The following METAP2 variants were observed in gnomAD, a reference collection of about 807,000 sequenced individuals.
The protein encoded by METAP2 is methionine aminopeptidase 2.
In METAP2, 25 loss-of-function variants were observed where a neutral mutation model predicts 59.4. That is an observed-to-expected ratio of 0.42 (90% CI 0.31 to 0.59). METAP2 has a LOEUF of 0.59. METAP2 is among the 20% of genes least tolerant of loss of function. The probability of loss-of-function intolerance (pLI) is 0.16; values close to 1 mark genes in which losing one functional copy is unlikely to be tolerated. For synonymous variants in METAP2, 214 were observed against 194.1 expected (o/e 1.10, Z -0.85); for missense variants, 366 against 581.2 (o/e 0.63, Z 3.81).
intron 6 of METAP2, among the ~76,000 whole-genome samples, 167 bp from the exon 7 acceptor site, chr12:95,495,837 T>G (rs1473748894): frequency 6.6e-6 from 1 of 151,986 alleles, no homozygotes; most frequent in Non-Finnish European, 1.5e-5. Context: ...ACTTCTACAT[T>G]TTGTCTCTTT....
chr12:95,504,494 T>G (rs2076342597), intron 8 of METAP2, among the ~76,000 whole-genome samples: 1 of 152,190 alleles, frequency 6.6e-6, no homozygotes, highest in Non-Finnish European at 1.5e-5. Context: ...TGTTGTTGTT[T>G]TTTGTTTTGT....
chr12:95,484,955 G>C (rs1270018880), intron 3 of METAP2: 1 of 442,366 alleles, frequency 2.3e-6, no homozygotes, highest in African/African-American at 2.0e-5. Flanking sequence ...TATCCTGGTA[G>C]ACTTCTTGAA....
intron 1 of METAP2, 91 bp downstream of exon 1, chr12:95,474,421 A>G: frequency 7.1e-7 from 1 of 1,404,062 alleles, no homozygotes; most frequent in Non-Finnish European, 9.7e-7. Context: ...CCGGGGCCCC[A>G]GAGCCCCGAC....
chr12:95,506,859 G>T (rs1179612843), intron 8 of METAP2, among the ~76,000 whole-genome samples: 1 of 150,108 alleles, frequency 6.7e-6, no homozygotes, highest in Non-Finnish European at 1.5e-5. Flanking sequence ...CTGTCACCCA[G>T]GCTGGAGAGC....
intron 7 of METAP2, among the ~76,000 whole-genome samples, chr12:95,498,776 G>A (rs1269393943): frequency 6.6e-6 from 1 of 152,154 alleles, no homozygotes; most frequent in Non-Finnish European, 1.5e-5. Context: ...CCCTTTTGGA[G>A]TCCGAGGTGG....
chr12:95,485,004 G>A (rs2076185233), intron 3 of METAP2: 3 of 397,080 alleles, frequency 7.6e-6, no homozygotes, highest in South Asian at 5.7e-5. Flanking sequence ...ATCATGGGCA[G>A]TTCACTGCCC....
At chr12:95,493,144 C>T in intron 4 of METAP2, among the ~76,000 whole-genome samples, 1 of 151,612 alleles carries the variant, frequency 6.6e-6, no homozygotes, top group Non-Finnish European at 1.5e-5. Flanking sequence ...TAATGTTTTT[C>T]CTACTACAGG....
rs1357819609 is a variant in METAP2, at chr12:95,515,185, C to T, written c.*1281C>T. ...TTTGTATTTTGTTGAACGTTTTTAT[C>T]CTAGGAAGAGAAACCTATGACTTGT... On this transcript the variant is annotated 3_prime_UTR_variant, in exon 11 of 11. Coordinates refer to ENST00000323666, the MANE Select transcript of METAP2 (RefSeq NM_006838.4). 3.3e-5 allele frequency: 5 copies of T among 152,550 alleles called. No homozygotes were observed. The highest frequency in any genetic ancestry group is 2.6e-4 in the Admixed American group (4 of 15,276). The allele number at this position is 152,550 out of a possible 1,614,324, so 9.4% of individuals were successfully genotyped here.
intron 7 of METAP2, among the ~76,000 whole-genome samples, chr12:95,501,208 T>A (rs1244339034): frequency 6.6e-6 from 1 of 152,052 alleles, no homozygotes; most frequent in Non-Finnish European, 1.5e-5. Flanking sequence ...TTAAATTTTT[T>A]GTAGATACAG....
intron 8 of METAP2, among the ~76,000 whole-genome samples, chr12:95,509,276 T>C (rs541484549): frequency 6.6e-6 from 1 of 152,358 alleles, no homozygotes; most frequent in East Asian, 1.9e-4. Context: ...ATAAGCTTGT[T>C]ACTTGTCAAC....
intron 4 of METAP2, 30 bp downstream of exon 4, chr12:95,486,011 AT>A: frequency 1.4e-6 from 2 of 1,421,094 alleles, no homozygotes; most frequent in Non-Finnish European, 2.0e-6. Flanking sequence ...TTCCAGTTTA[AT>A]TTCTGACAGT....
Position 95,485,859 on chromosome 12 carries a change from G to T in METAP2, c.326-20G>T, listed in dbSNP as rs200936264. On this transcript the variant is annotated intron_variant, in intron 3 of 10. Coordinates refer to ENST00000323666, the MANE Select transcript of METAP2 (RefSeq NM_006838.4). ...TTTATTTTTAACTACAGAAGTTAAT[G>T]CTTTATTTGTATCTCACAGCAAAAG... 43 of 1,443,318 alleles carry T rather than the reference G, an allele frequency of 3.0e-5. No homozygotes were observed. Among genetic ancestry groups the T allele is most frequent in the Non-Finnish European group, 2.7e-5 (29 of 1,064,164 alleles). 89.4% of individuals were successfully genotyped at this position (1,443,318 alleles called of 1,614,324 possible).
intron 2 of METAP2, among the ~76,000 whole-genome samples, chr12:95,476,772 G>T (rs959609966): frequency 6.6e-6 from 1 of 152,108 alleles, no homozygotes; most frequent in African/African-American, 2.4e-5. Context: ...AGATTGAGGG[G>T]TTGTTTATTT....
Position 95,506,310 on chromosome 12 carries a change from T to C in METAP2, c.964+2149T>C, listed in dbSNP as rs7302175. Among the ~76,000 whole-genome samples, 1,315 of 147,652 alleles carry C rather than the reference T, an allele frequency of 8.9e-3. 23 individuals are homozygous for C. The highest frequency in any genetic ancestry group is 0.031 in the African/African-American group (1,257 of 40,464). ...TAATATATATGCTTTTTTTTTTTTT[T>C]TTTTGAGACGCAATCTCACTCTGTC... is the stretch of plus-strand genomic sequence containing the variant. On this transcript the variant is annotated intron_variant, in intron 8 of 10. Transcript: ENST00000323666.
intron 6 of METAP2, among the ~76,000 whole-genome samples, chr12:95,495,595 A>G (rs1365997707): frequency 6.6e-6 from 1 of 152,228 alleles, no homozygotes; most frequent in East Asian, 1.9e-4. Flanking sequence ...AAGCAAGCTT[A>G]GAATAAATAC....
rs562764162 is a variant in METAP2, at chr12:95,506,092, G to A, written c.964+1931G>A. ...AGCCTGGGCGACAGAGTGAGACTTC[G>A]TCTGGGGAAAAAAATAAAAAAGAGT... On this transcript the variant is annotated intron_variant, in intron 8 of 10. Transcript: ENST00000323666. Among the ~76,000 whole-genome samples the A allele has an allele frequency of 4.0e-5, 6 of 151,268 alleles. No homozygotes were observed. In the South Asian group the frequency reaches 6.3e-4, roughly 16 times the overall value.
intron 3 of METAP2, among the ~76,000 whole-genome samples, chr12:95,484,320 A>T (rs1051701084): frequency 1.3e-5 from 2 of 152,018 alleles, no homozygotes; most frequent in Non-Finnish European, 2.9e-5. Flanking sequence ...CTATTCTCGT[A>T]GCCTGTGAGG....
chr12:95,486,069 C>T (rs2076194354), intron 4 of METAP2, 88 bp downstream of exon 4: 2 of 906,912 alleles, frequency 2.2e-6, no homozygotes, highest in African/African-American at 1.7e-5. Context: ...GAACTTTGCT[C>T]CACTACTTTA....
chr12:95,479,913 T>C (rs2076146730), intron 2 of METAP2, among the ~76,000 whole-genome samples: 1 of 152,194 alleles, frequency 6.6e-6, no homozygotes, highest in African/African-American at 2.4e-5. Context: ...CTGGCCCCAA[T>C]AGTCATCCTT....
Sources: gnomAD v4.1 joint callset for allele counts (sites outside exome capture counted in the v4.1 genomes callset) on GRCh38, gnomAD v4.1.1 for gene constraint, MANE v1.5 for transcripts, NCBI Gene and HGNC (gene_info 2026-07-23, HGNC 2026-07-21) for gene names.